The following BTBD8 variants were observed in gnomAD, a reference collection of about 807,000 sequenced individuals.
BTBD8 encodes the protein BTB/POZ domain-containing protein 8.
BTBD8 carries 110 observed loss-of-function variants against 162.9 expected under a neutral mutation model. That is an observed-to-expected ratio of 0.68 (90% CI 0.58 to 0.79). The LOEUF is 0.79. Among genes scored for constraint, BTBD8 ranks in the 30% least tolerant of loss-of-function variants. The pLI is 0.00. For missense variants in BTBD8, 1,905 were observed against 2,085.4 expected (o/e 0.91, Z 1.68); for synonymous variants, 667 against 716.1 (o/e 0.93, Z 1.10).
At chr1:92,136,887 C>G (rs2101936788) in intron 5 of BTBD8, among the ~76,000 whole-genome samples, 1 of 152,274 alleles carries the variant, frequency 6.6e-6, no homozygotes, top group East Asian at 1.9e-4. Context: ...CTTATTAGCT[C>G]AGGGACTGGC....
intron 1 of BTBD8, among the ~76,000 whole-genome samples, chr1:92,083,554 T>G (rs1374294310): frequency 1.3e-5 from 2 of 152,066 alleles, no homozygotes; most frequent in Non-Finnish European, 1.5e-5. Context: ...CGGAAGGAGA[T>G]TGCATGGCAG....
rs1650890597 is a variant in BTBD8 at position 92,181,178 on chromosome 1, A to G, written c.3495A>G (p.Lys1165=). The part of the protein sequence containing the change: ...GTLNSAQEDK[K]SKVPVEGLTI... ...TAAATTCTGCTCAAGAAGACAAAAAATCGAAAGTTCCTGTGGAAGGACTGA... is the reference window on the plus strand; with the variant it reads ...TAAATTCTGCTCAAGAAGACAAAAAGTCGAAAGTTCCTGTGGAAGGACTGA... Residue 1165 remains lysine, a synonymous_variant, in exon 17 of 18, where the codon AAA becomes AAG. Coordinates refer to ENST00000636805, the MANE Select transcript of BTBD8 (RefSeq NM_001376131.1). The G allele has an allele frequency of 6.4e-7, 1 of 1,551,740 alleles. No homozygotes were observed. The highest frequency in any genetic ancestry group is 8.7e-7 in the Non-Finnish European group (1 of 1,146,996).
rs754095546 is a variant in BTBD8, at chr1:92,080,439, C to T, written c.-133C>T. ...AGACTGTCTACAAACCGACGAGAGG[C>T]GTCAACCTTTTACCCTAGGGGGCGG... On this transcript the variant is annotated 5_prime_UTR_variant, in exon 1 of 18. Transcript: ENST00000636805. 2 of 1,304,748 alleles carry T rather than the reference C, an allele frequency of 1.5e-6. No individual in the cohort carries two copies. The highest frequency in any genetic ancestry group is 2.1e-6 in the Non-Finnish European group (2 of 967,018). 80.8% of individuals were successfully genotyped at this position (1,304,748 alleles called of 1,614,324 possible).
chr1:92,104,017 G>T (rs184146564), intron 3 of BTBD8, among the ~76,000 whole-genome samples: 1 of 152,322 alleles, frequency 6.6e-6, no homozygotes, highest in East Asian at 1.9e-4. Context: ...AGATATTTAG[G>T]TGTGCATGTG....
At chr1:92,108,531 A>G (rs371139885) in intron 4 of BTBD8, among the ~76,000 whole-genome samples, 61 of 152,338 alleles carry the variant, frequency 4.0e-4, no homozygotes, top group African/African-American at 1.5e-3. Flanking sequence ...TAATATTTCA[A>G]TGTACTTTTT....
At chr1:92,175,706 GAT>G (rs1211915388) in intron 13 of BTBD8, among the ~76,000 whole-genome samples, 1 of 151,422 alleles carries the variant, frequency 6.6e-6, no homozygotes, top group African/African-American at 2.4e-5. Flanking sequence ...TGAGGCAGGA[GAT>G]TGCTTGAACC....
intron 2 of BTBD8, among the ~76,000 whole-genome samples, chr1:92,096,729 G>A (rs1337660210): frequency 6.6e-6 from 1 of 151,854 alleles, no homozygotes; most frequent in Non-Finnish European, 1.5e-5. Flanking sequence ...ATAGAGATGG[G>A]GTCTTGCTGT....
chr1:92,091,053 A>G (rs1412487109), intron 2 of BTBD8, among the ~76,000 whole-genome samples: 1 of 152,204 alleles, frequency 6.6e-6, no homozygotes, highest in Non-Finnish European at 1.5e-5. Context: ...TTACTCATTA[A>G]TATGGTTTGG....
chr1:92,159,970 T>C (rs1040183097), intron 9 of BTBD8, among the ~76,000 whole-genome samples: 1 of 152,180 alleles, frequency 6.6e-6, no homozygotes, highest in African/African-American at 2.4e-5. Context: ...ATTATTTCTT[T>C]TAATAAATTT....
intron 3 of BTBD8, 34 bp downstream of exon 3, chr1:92,102,703 C>T (rs193275023): frequency 8.3e-5 from 114 of 1,370,284 alleles, no homozygotes; most frequent in African/African-American, 6.4e-4. Flanking sequence ...TATTTATAGC[C>T]GTAAAAATAA....
In BTBD8 at chr1:92,147,714, G is replaced by A. The variant is rs747468746; in HGVS notation, c.1050G>A (p.Trp350Ter). The change falls in exon 9 of 18, where the codon TGG (tryptophan) becomes TGA (stop). Residue 350 changes from tryptophan to a stop codon, truncating the protein, a stop_gained. Coordinates refer to ENST00000636805, the MANE Select transcript of BTBD8 (RefSeq NM_001376131.1). LOFTEE classifies it high-confidence loss of function. ...KWIVKHFARF[W>*]SERSFANIPP... ...TTGTAAAGCATTTTGCAAGGTTTTG[G>A]TCTGAGAGAAGCTTTGCAAATATAC... 1.9e-6 allele frequency: 3 copies of A among 1,612,954 alleles called. No homozygotes were observed. Among genetic ancestry groups the A allele is most frequent in the African/African-American group, 2.7e-5 (2 of 74,824 alleles).
intron 13 of BTBD8, among the ~76,000 whole-genome samples, chr1:92,173,073 G>A (rs1400954825): frequency 6.6e-6 from 1 of 152,116 alleles, no homozygotes; most frequent in Non-Finnish European, 1.5e-5. Flanking sequence ...TTACAGGAAT[G>A]TGCCACCATG....
intron 9 of BTBD8, among the ~76,000 whole-genome samples, chr1:92,151,196 T>C (rs1053608004): frequency 3.3e-5 from 5 of 151,796 alleles, no homozygotes; most frequent in African/African-American, 1.2e-4. Flanking sequence ...CTACTAAAAA[T>C]ACAAAAAATT....
chr1:92,117,798 T>C (rs1649085576), intron 4 of BTBD8, among the ~76,000 whole-genome samples: 1 of 152,098 alleles, frequency 6.6e-6, no homozygotes, highest in African/African-American at 2.4e-5. Context: ...TTCCTGTGCA[T>C]TGACTAGAAA....
At chr1:92,098,468 TA>T (rs1466077957) in intron 2 of BTBD8, among the ~76,000 whole-genome samples, 2 of 152,224 alleles carry the variant, frequency 1.3e-5, no homozygotes, top group Non-Finnish European at 2.9e-5. Flanking sequence ...CTGGGTCATA[TA>T]GTAACCTTTT....
chr1:92,084,469 G>A (rs1417779536), intron 1 of BTBD8, among the ~76,000 whole-genome samples: 1 of 152,170 alleles, frequency 6.6e-6, no homozygotes, highest in African/African-American at 2.4e-5. Flanking sequence ...GTGGAACACA[G>A]GCTGTAAAGG....
At position 92,132,002 on chromosome 1, in the gene BTBD8, A is replaced by G. The variant is rs114162801; in HGVS notation, c.752+2226A>G. Reference sequence around the variant, plus strand: ...TGGGATTATAGATGTTAGCCACCGGACCCAGCTTAAATCACATTTGTCAAA... The same window carrying G: ...TGGGATTATAGATGTTAGCCACCGGGCCCAGCTTAAATCACATTTGTCAAA... On this transcript the variant is annotated intron_variant, in intron 5 of 17. Coordinates refer to ENST00000636805, the MANE Select transcript of BTBD8 (RefSeq NM_001376131.1). 8.2e-3 allele frequency among the ~76,000 whole-genome samples: 1,256 copies of G among 152,246 alleles called. 22 individuals are homozygous for G. The highest frequency in any genetic ancestry group is 0.028 in the African/African-American group (1,166 of 41,534).
At chr1:92,182,679 AT>A in intron 17 of BTBD8, 84 bp downstream of exon 17, 1 of 795,326 alleles carries the variant, frequency 1.3e-6, no homozygotes, top group African/African-American at 1.8e-5. Context: ...TGAATGTTAT[AT>A]TTTAGTCAGA....
At chr1:92,120,143 C>T (rs1319537117) in intron 4 of BTBD8, among the ~76,000 whole-genome samples, 5 of 152,078 alleles carry the variant, frequency 3.3e-5, no homozygotes, top group East Asian at 3.9e-4. Context: ...CCACCCGCCT[C>T]GGCCTTCAAA....
Sources: allele counts gnomAD v4.1 joint callset (sites outside exome capture counted in the v4.1 genomes callset), GRCh38; gene constraint gnomAD v4.1.1; transcripts MANE v1.5; gene names NCBI Gene and HGNC (gene_info 2026-07-23, HGNC 2026-07-21).